The following PTPRZ1 variants were observed in gnomAD, a reference collection of about 807,000 sequenced individuals.
PTPRZ1 encodes the protein receptor-type tyrosine-protein phosphatase zeta.
PTPRZ1 carries 82 observed loss-of-function variants against 214.1 expected under a neutral mutation model. That is an observed-to-expected ratio of 0.38 (90% CI 0.32 to 0.46). The LOEUF (loss-of-function observed/expected upper bound fraction) is 0.46, where lower values mean the gene tolerates loss of function less well. PTPRZ1 is among the 20% of genes least tolerant of loss of function. The pLI, the probability that PTPRZ1 is intolerant of heterozygous loss-of-function variation, is 1.00. For missense variants in PTPRZ1, 2,603 were observed against 2,748.7 expected, an observed-to-expected ratio of 0.95 and a Z score of 1.19; for synonymous variants, 945 against 987.9, an observed-to-expected ratio of 0.96 and a Z score of 0.81.
At chr7:121,915,871 C>G (rs867469894) in intron 1 of PTPRZ1, among the ~76,000 whole-genome samples, 3 of 152,108 alleles carry the variant, frequency 2.0e-5, no homozygotes, top group Admixed American at 6.5e-5. Flanking sequence ...AGGTGTAAAT[C>G]CTTTCATAAA....
chr7:121,916,343 G>A (rs1795426417), intron 1 of PTPRZ1, among the ~76,000 whole-genome samples: 1 of 151,648 alleles, frequency 6.6e-6, no homozygotes. Flanking sequence ...GCAGGAGTAT[G>A]TTAATTATCT....
chr7:121,885,011 A>C (rs1267761698), intron 1 of PTPRZ1, among the ~76,000 whole-genome samples: 1 of 152,134 alleles, frequency 6.6e-6, no homozygotes, highest in Non-Finnish European at 1.5e-5. Flanking sequence ...AATAACAATA[A>C]GCCTGTATTA....
At chr7:122,061,002 T>C in intron 29 of PTPRZ1, 78 bp from the exon 30 acceptor site, 1 of 1,421,488 alleles carries the variant, frequency 7.0e-7, no homozygotes, top group Non-Finnish European at 9.5e-7. Context: ...GAAGTGTGTC[T>C]AAAAATATTT....
intron 1 of PTPRZ1, 113 bp from the exon 2 acceptor site, chr7:121,928,043 T>G (rs1191354884): frequency 2.7e-6 from 2 of 742,020 alleles, no homozygotes; most frequent in East Asian, 5.0e-5. Context: ...ATTGAGAAGA[T>G]GACATGGAAA....
In PTPRZ1 at chr7:122,011,384, A is replaced by G; in HGVS notation, c.2338A>G (p.Ile780Val). 2 of 1,613,954 alleles carry G rather than the reference A, an allele frequency of 1.2e-6. No individual in the cohort carries two copies. Among genetic ancestry groups the G allele is most frequent in the Non-Finnish European group, 1.7e-6 (2 of 1,179,926 alleles). ...LVTPLLLDNQ[I>V]LNTTPAASSS... ...CACCCCTTTGTTGCTTGACAATCAGATCCTCAACACTACCCCTGCTGCTTC... is the reference window on the plus strand; with the variant it reads ...CACCCCTTTGTTGCTTGACAATCAGGTCCTCAACACTACCCCTGCTGCTTC... The change falls in exon 12 of 30, where the codon ATC becomes GTC. Residue 780 changes from isoleucine (I) to valine (V), a missense_variant. Around this residue, in one of 6 missense-constraint regions of PTPRZ1, gnomAD observed 1,913 missense variants for 1,914.3 expected, o/e 1.00. Coordinates refer to ENST00000393386, the MANE Select transcript of PTPRZ1 (RefSeq NM_002851.3).
intron 23 of PTPRZ1, among the ~76,000 whole-genome samples, chr7:122,048,912 A>G (rs1792083376): frequency 6.6e-6 from 1 of 152,104 alleles, no homozygotes; most frequent in Non-Finnish European, 1.5e-5. Flanking sequence ...AAACTGAACA[A>G]AGACAGAATA....
chr7:121,969,224 T>G (rs565305225), intron 3 of PTPRZ1, among the ~76,000 whole-genome samples: 1 of 146,980 alleles, frequency 6.8e-6, no homozygotes, highest in Admixed American at 6.8e-5. Flanking sequence ...GACAACAGAG[T>G]GAGATCCTAT....
At chr7:122,010,224 G>T in intron 11 of PTPRZ1, 110 bp from the exon 12 acceptor site, 1 of 1,044,806 alleles carries the variant, frequency 9.6e-7, no homozygotes, top group East Asian at 2.5e-5. Flanking sequence ...GTTTTATGAG[G>T]ATGAGAAGTT....
chr7:122,055,881 A>G (rs1207153462), intron 27 of PTPRZ1, among the ~76,000 whole-genome samples: 1 of 151,880 alleles, frequency 6.6e-6, no homozygotes, highest in Non-Finnish European at 1.5e-5. Flanking sequence ...TAGTACATAT[A>G]TGGTATACAA....
intron 1 of PTPRZ1, among the ~76,000 whole-genome samples, chr7:121,907,003 T>C (rs1489939583): frequency 6.6e-6 from 1 of 152,156 alleles, no homozygotes; most frequent in East Asian, 1.9e-4. Flanking sequence ...CGGTTTTAAT[T>C]CTACAATGTG....
At chr7:121,970,551 AGTGATG>A (rs1434799833) in intron 3 of PTPRZ1, among the ~76,000 whole-genome samples, 3 of 152,306 alleles carry the variant, frequency 2.0e-5, no homozygotes, top group Non-Finnish European at 1.5e-5. Context: ...TCTGATGGCC[AGTGATG>A]GTGAGCATTT....
In PTPRZ1 at chr7:122,051,486, A is replaced by G. The variant is rs370974972; in HGVS notation, c.6143A>G (p.Asn2048Ser). 59 of 1,613,654 alleles carry G rather than the reference A, an allele frequency of 3.7e-5. No individual in the cohort carries two copies. The highest frequency in any genetic ancestry group is 4.6e-5 in the Non-Finnish European group (54 of 1,179,760). Residue 2048 changes from asparagine to serine, a missense_variant, in exon 24 of 30, where the codon AAC becomes AGC. Transcript: ENST00000393386. ...TATTCTGCAGCCCTAAAGCAATGCA[A>G]CAGGGAAAAGAATCGAACTTCTTCT... Reference protein sequence around the residue: ...SDYSAALKQCNREKNRTSSII... With the variant: ...SDYSAALKQCSREKNRTSSII...
chr7:121,919,268 GTTTC>G (rs1795520591), intron 1 of PTPRZ1, among the ~76,000 whole-genome samples: 1 of 151,892 alleles, frequency 6.6e-6, no homozygotes, highest in African/African-American at 2.4e-5. Flanking sequence ...TTTAGTTTCT[GTTTC>G]TTTGACACCA....
chr7:122,011,332 C>T lies in PTPRZ1; in HGVS notation c.2286C>T (p.Ser762=), dbSNP rs1374216512. 2.5e-6 allele frequency: 4 copies of T among 1,614,158 alleles called. No homozygotes were observed. The highest frequency in any genetic ancestry group is 3.4e-6 in the Non-Finnish European group (4 of 1,180,024). The change falls in exon 12 of 30, where the codon TCC becomes TCT. Residue 762 remains serine, a synonymous_variant. Transcript: ENST00000393386. The stretch of plus-strand genomic sequence containing the variant: ...ATGGTGAGACACCTCTTCAACCTTC[C>T]TACAGTAGTGAAGTCTTTCCTCTAG... ...VYNGETPLQP[S]YSSEVFPLVT... is the part of the protein sequence containing the mutation.
chr7:121,892,889 GT>G (rs1473821618), intron 1 of PTPRZ1, among the ~76,000 whole-genome samples: 1 of 151,212 alleles, frequency 6.6e-6, no homozygotes, highest in African/African-American at 2.4e-5. Context: ...GGGTATCTTT[GT>G]TTTTTTGAAA....
intron 2 of PTPRZ1, among the ~76,000 whole-genome samples, chr7:121,937,081 T>C (rs1220614455): frequency 6.6e-6 from 1 of 152,222 alleles, no homozygotes; most frequent in East Asian, 1.9e-4. Flanking sequence ...TGTTATAGAC[T>C]GTTATAGAGC....
chr7:121,961,258 T>A (rs901635176), intron 2 of PTPRZ1, among the ~76,000 whole-genome samples: 9 of 152,136 alleles, frequency 5.9e-5, no homozygotes, highest in African/African-American at 1.9e-4. Context: ...GGCACATGGA[T>A]CATAATCTGC....
intron 1 of PTPRZ1, among the ~76,000 whole-genome samples, chr7:121,906,892 CAT>C (rs1425013002): frequency 6.6e-6 from 1 of 152,090 alleles, no homozygotes; most frequent in East Asian, 1.9e-4. Context: ...ATTCAGTACA[CAT>C]ATGGAATAGT....
At chr7:122,037,147 C>T (rs981274177) in intron 18 of PTPRZ1, among the ~76,000 whole-genome samples, 28 of 151,710 alleles carry the variant, frequency 1.8e-4, no homozygotes, top group South Asian at 1.0e-3. Flanking sequence ...TTGTGGCGGG[C>T]GCCTGTAGTC....
Sources: gnomAD v4.1 joint callset for allele counts (sites outside exome capture counted in the v4.1 genomes callset) on GRCh38, gnomAD v4.1.1 for gene constraint, gnomAD v4.1.1 regional missense constraint, MANE v1.5 for transcripts, NCBI Gene and HGNC (gene_info 2026-07-23, HGNC 2026-07-21) for gene names.